KDM3B: variants seen among roughly 807,000 people sequenced by gnomAD.
KDM3B encodes the protein lysine demethylase 3B, also known as lysine-specific demethylase 3B.
Under a neutral mutation model 170.0 loss-of-function variants are expected in KDM3B, and 10 were observed. That is an observed-to-expected ratio of 0.06 (90% CI 0.04 to 0.10). The LOEUF (loss-of-function observed/expected upper bound fraction) is 0.10. Among genes scored for constraint, KDM3B ranks in the 10% least tolerant of loss-of-function variants. KDM3B has a pLI of 1.00. For missense variants in KDM3B, 1,394 were observed against 2,195.2 expected (o/e 0.64, Z 7.29); for synonymous variants, 831 against 834.8 (o/e 1.00, Z 0.08).
intron 8 of KDM3B, 86 bp downstream of exon 8, chr5:138,392,347 T>C: frequency 7.6e-7 from 1 of 1,312,524 alleles, no homozygotes; most frequent in Non-Finnish European, 1.0e-6. Context: ...AGGCACTCAC[T>C]TTGATGGAGA....
In KDM3B at chr5:138,379,648, C is replaced by G. The variant is rs768099116; in HGVS notation, c.645C>G (p.Leu215=). The G allele has an allele frequency of 1.2e-6, 2 of 1,613,744 alleles. No homozygotes were observed. The highest frequency in any genetic ancestry group is 1.7e-6 in the Non-Finnish European group (2 of 1,179,824). The change falls in exon 5 of 24, where the codon CTC becomes CTG. Residue 215 remains leucine, a synonymous_variant. Transcript: ENST00000314358. ...AGCCAGAGGGGGAAGAAGGGTGGCT[C>G]TATGGTGTTGTGAGCCATCAGGACT... ...IYQPEGEEGW[L]YGVVSHQDSI... is the part of the protein sequence containing the mutation.
intron 15 of KDM3B, among the ~76,000 whole-genome samples, chr5:138,422,836 A>T (rs1307353495): frequency 6.6e-6 from 1 of 152,220 alleles, no homozygotes; most frequent in Non-Finnish European, 1.5e-5. Context: ...TCAAGCGAAT[A>T]CATAAATACA....
At chr5:138,389,782 C>CTCTCTGTGTGTGTGTGTG (rs1554128165) in intron 7 of KDM3B, among the ~76,000 whole-genome samples, 28 of 143,466 alleles carry the variant, frequency 2.0e-4, no homozygotes, top group African/African-American at 7.3e-4. Flanking sequence ...CTCTCTCTCT[C>CTCTCTGTGTGTGTGTGTG]TGTGTGTGTG....
chr5:138,420,630 A>G, intron 14 of KDM3B, 76 bp from the exon 15 acceptor site: 1 of 1,492,708 alleles, frequency 6.7e-7, no homozygotes, highest in Non-Finnish European at 9.2e-7. Context: ...TTCCCATGTG[A>G]CTGATTTTTA....
At chr5:138,355,981 C>T (rs1216769052) in intron 1 of KDM3B, among the ~76,000 whole-genome samples, 2 of 152,258 alleles carry the variant, frequency 1.3e-5, no homozygotes, top group South Asian at 2.1e-4. Flanking sequence ...TGTCCTACTG[C>T]ACAATATTTG....
chr5:138,435,568 G>A (rs555461160), intron 23 of KDM3B, 52 bp from the exon 24 acceptor site: 13 of 1,424,258 alleles, frequency 9.1e-6, no homozygotes, highest in South Asian at 8.2e-5. Flanking sequence ...AAGGTAGAAC[G>A]TACATTTGCA....
intron 3 of KDM3B, among the ~76,000 whole-genome samples, 192 bp downstream of exon 3, chr5:138,375,398 G>C (rs1179577210): frequency 6.7e-6 from 1 of 149,054 alleles, no homozygotes; most frequent in African/African-American, 2.5e-5. Context: ...TTTTTTTTGA[G>C]ACAGAGTCTC....
rs369732661 is a variant in KDM3B at position 138,375,215 on chromosome 5, C to T, written c.474+9C>T. Reference sequence around the variant, plus strand: ...GGTTGCATCTGTTTCAGGTATTTAACACTTGCTTTAGTCTTGAGCCTATTA... The same window carrying T: ...GGTTGCATCTGTTTCAGGTATTTAATACTTGCTTTAGTCTTGAGCCTATTA... On this transcript the variant is annotated intron_variant, in intron 3 of 23. Transcript: ENST00000314358. 382 of 1,553,730 alleles carry T rather than the reference C, an allele frequency of 2.5e-4. No individual in the cohort carries two copies. The highest frequency in any genetic ancestry group is 3.0e-4 in the Non-Finnish European group (334 of 1,125,234).
At chr5:138,377,891 T>C in intron 4 of KDM3B, 66 bp downstream of exon 4, 2 of 1,178,136 alleles carry the variant, frequency 1.7e-6, no homozygotes, top group East Asian at 4.8e-5. Context: ...TGAGTGATAG[T>C]ATGGAATCCC....
chr5:138,401,154 C>T (rs1469799106), intron 11 of KDM3B, among the ~76,000 whole-genome samples: 1 of 151,572 alleles, frequency 6.6e-6, no homozygotes, highest in Non-Finnish European at 1.5e-5. Context: ...ACCTGTAATC[C>T]CAGCTACTCA....
intron 9 of KDM3B, among the ~76,000 whole-genome samples, chr5:138,393,778 A>G (rs1762488708): frequency 6.6e-6 from 1 of 152,206 alleles, no homozygotes; most frequent in Non-Finnish European, 1.5e-5. Context: ...TTTGGAGATA[A>G]TGTGAAGCAT....
chr5:138,362,577 CACACACACAA>C (rs748619591), intron 1 of KDM3B, among the ~76,000 whole-genome samples: 6,945 of 131,732 alleles, frequency 0.053, 185 homozygotes, highest in Non-Finnish European at 0.059. Flanking sequence ...CACACACACA[CACACACACAA>C]AATATCTTAA....
chr5:138,408,592 CA>C (rs1762884648), intron 11 of KDM3B, among the ~76,000 whole-genome samples: 1 of 152,048 alleles, frequency 6.6e-6, no homozygotes, highest in African/African-American at 2.4e-5. Context: ...ATACTAATAT[CA>C]AAACCAAATA....
chr5:138,386,223 A>G lies in KDM3B; in HGVS notation c.982A>G (p.Asn328Asp), dbSNP rs758044575. The G allele has an allele frequency of 1.9e-6, 3 of 1,614,172 alleles. No individual in the cohort carries two copies. The East Asian group carries it at 6.7e-5, about 36-fold the overall frequency. The change falls in exon 7 of 24, where the codon AAT becomes GAT. Residue 328 changes from asparagine (N) to aspartate (D), a missense_variant. This residue lies in a region of KDM3B where 205 missense variants were observed against 227.6 expected (regional missense o/e 0.90). Transcript: ENST00000314358. ...AAGCCGAGGGCCCTGGAAAGGAGGG[A>G]ATGCCAGTGGAGAGCCAGGGCTGGA... ...EASRGPWKGG[N>D]ASGEPGLDQR...
At chr5:138,382,969 A>G (rs765492584) in intron 6 of KDM3B, among the ~76,000 whole-genome samples, 11 of 152,076 alleles carry the variant, frequency 7.2e-5, no homozygotes, top group Non-Finnish European at 1.2e-4. Flanking sequence ...CAGCTGGCCA[A>G]ATAGAACTGG....
chr5:138,391,573 C>A lies in KDM3B; in HGVS notation c.1941C>A (p.Ser647Arg). ...FLAFVEKVEH[S>R]PFSSFASQAS... ...CATTTGTGGAGAAAGTTGAACACAG[C>A]CCTTTCAGTAGTTTTGCATCTCAGG... The change falls in exon 8 of 24, where the codon AGC (serine) becomes AGA (arginine). Residue 647 changes from serine to arginine, a missense_variant. Physicochemically the swap from Ser to Arg is moderately radical, Grantham distance 110. This residue lies in a region of KDM3B where 294 missense variants were observed against 311.7 expected (regional missense o/e 0.94). Coordinates refer to ENST00000314358, the MANE Select transcript of KDM3B (RefSeq NM_016604.4). The surrounding 1 kb of genome is among the most constrained non-coding windows in gnomAD (Gnocchi z 5.0). The A allele has an allele frequency of 6.2e-7, 1 of 1,614,100 alleles. No homozygotes were observed.
chr5:138,425,176 T>A (rs1763363694), intron 16 of KDM3B, among the ~76,000 whole-genome samples: 1 of 152,212 alleles, frequency 6.6e-6, no homozygotes, highest in African/African-American at 2.4e-5. Flanking sequence ...TGGTAGGTAT[T>A]AGGGCAACAG....
chr5:138,382,393 A>G (rs1297246747), intron 6 of KDM3B, among the ~76,000 whole-genome samples: 1 of 152,186 alleles, frequency 6.6e-6, no homozygotes, highest in African/African-American at 2.4e-5. Flanking sequence ...TGGAGGTTGC[A>G]ATGAGCTGAG....
chr5:138,376,566 T>C (rs1322767765), intron 3 of KDM3B, among the ~76,000 whole-genome samples: 1 of 151,684 alleles, frequency 6.6e-6, no homozygotes. Context: ...TAGCTGGGTG[T>C]CGTGGTGGAC....
Sources: allele counts gnomAD v4.1 joint callset (sites outside exome capture counted in the v4.1 genomes callset), GRCh38; gene constraint gnomAD v4.1.1; regional missense constraint gnomAD v4.1.1; non-coding constraint Gnocchi (gnomAD v3.1); transcripts MANE v1.5; gene names NCBI Gene and HGNC (gene_info 2026-07-23, HGNC 2026-07-21).